EYA2: variants seen among roughly 807,000 people sequenced by gnomAD.
EYA2 encodes EYA transcriptional coactivator and phosphatase 2.
Under a neutral mutation model 69.2 loss-of-function variants are expected in EYA2, and 31 were observed. The observed-to-expected ratio is 0.45, with a 90% CI of 0.34 to 0.60. The LOEUF (loss-of-function observed/expected upper bound fraction) is 0.60, where lower values mean the gene tolerates loss of function less well. EYA2 is among the 20% of genes least tolerant of loss of function. The probability of loss-of-function intolerance (pLI) is 0.02; values close to 1 mark genes in which losing one functional copy is unlikely to be tolerated. For synonymous variants in EYA2, 257 were observed against 279.4 expected, an observed-to-expected ratio of 0.92 and a Z score of 0.80; for missense variants, 622 against 701.2, an observed-to-expected ratio of 0.89 and a Z score of 1.28.
At chr20:47,052,434 C>T (rs1054319640) in intron 5 of EYA2, among the ~76,000 whole-genome samples, 5 of 152,184 alleles carry the variant, frequency 3.3e-5, no homozygotes, top group Admixed American at 6.5e-5. Flanking sequence ...TCTCAGGCCT[C>T]ATCCAGAACC....
At chr20:46,973,895 A>G (rs1267488833) in intron 1 of EYA2, among the ~76,000 whole-genome samples, 8 of 152,204 alleles carry the variant, frequency 5.3e-5, no homozygotes, top group Admixed American at 1.3e-4. Flanking sequence ...GAATCGCTGC[A>G]TGGCTCTTTC....
intron 9 of EYA2, among the ~76,000 whole-genome samples, chr20:47,138,663 G>A (rs910495988): frequency 6.6e-6 from 1 of 151,900 alleles, no homozygotes; most frequent in African/African-American, 2.4e-5. Flanking sequence ...GCTGAGGCAG[G>A]AGGATCACTT....
chr20:47,181,229 G>A (rs2034531835), intron 14 of EYA2, among the ~76,000 whole-genome samples: 1 of 152,224 alleles, frequency 6.6e-6, no homozygotes, highest in African/African-American at 2.4e-5. Context: ...AGTCAAAGCT[G>A]ATTTCTCCCT....
At chr20:47,030,516 T>G (rs1327063898) in intron 5 of EYA2, among the ~76,000 whole-genome samples, 2 of 131,268 alleles carry the variant, frequency 1.5e-5, no homozygotes, top group Non-Finnish European at 3.5e-5. Context: ...AAGCCACACC[T>G]TCATGGAATT....
chr20:47,045,802 T>G (rs1318202798), intron 5 of EYA2, among the ~76,000 whole-genome samples: 1 of 152,186 alleles, frequency 6.6e-6, no homozygotes, highest in African/African-American at 2.4e-5. Context: ...ATTTCCAGCT[T>G]CTATAACAAA....
chr20:47,037,817 C>T (rs118073253), intron 5 of EYA2, among the ~76,000 whole-genome samples: 1 of 152,340 alleles, frequency 6.6e-6, no homozygotes, highest in Non-Finnish European at 1.5e-5. Context: ...AGCTCAGCTG[C>T]TTAGCAACCT....
intron 2 of EYA2, among the ~76,000 whole-genome samples, chr20:47,000,243 G>A (rs1290435582): frequency 6.6e-6 from 1 of 152,208 alleles, no homozygotes; most frequent in East Asian, 1.9e-4. Flanking sequence ...GGTAAATGAT[G>A]GCTATCAGCA....
chr20:46,958,106 C>T (rs1024854382), intron 1 of EYA2, among the ~76,000 whole-genome samples: 1 of 152,166 alleles, frequency 6.6e-6, no homozygotes, highest in Non-Finnish European at 1.5e-5. Flanking sequence ...CACTGGAACA[C>T]TTTATTCTCA....
In EYA2 at chr20:47,089,231, T is replaced by TA. The variant is rs1394135930; in HGVS notation, c.662-7dup. On this transcript the variant is annotated splice_region_variant and splice_polypyrimidine_tract_variant and intron_variant, in intron 7 of 15. Coordinates refer to ENST00000327619, the MANE Select transcript of EYA2 (RefSeq NM_005244.5). ...CTGATTTGTCCACCATTCCCTTTCT[T>TA]ACGCCAGGTGAATACAACACACACA... 6.2e-7 allele frequency: 1 copy of TA among 1,612,996 alleles called. No individual in the cohort carries two copies. The highest frequency in any genetic ancestry group is 8.5e-7 in the Non-Finnish European group (1 of 1,179,434).
chr20:47,073,307 T>A (rs2031384229), intron 6 of EYA2, among the ~76,000 whole-genome samples: 1 of 152,112 alleles, frequency 6.6e-6, no homozygotes, highest in Admixed American at 6.5e-5. Context: ...CAAAGCTTGA[T>A]CAAAGGTGAT....
chr20:47,104,743 A>G (rs974515564), intron 9 of EYA2, among the ~76,000 whole-genome samples: 14 of 152,156 alleles, frequency 9.2e-5, no homozygotes. Flanking sequence ...ATTGGCAGCC[A>G]GGTGCAGTGG....
intron 9 of EYA2, chr20:47,117,295 C>A: frequency 1.1e-6 from 1 of 875,600 alleles, no homozygotes; most frequent in Non-Finnish European, 1.4e-6. Context: ...CAGGCATGAG[C>A]CACCGCACCC....
chr20:46,922,657 G>A lies in EYA2; in HGVS notation c.-11+27670G>A, dbSNP rs73303645. Among the ~76,000 whole-genome samples the A allele has an allele frequency of 7.8e-3, 1,186 of 152,294 alleles. 22 individuals carry two copies. Among genetic ancestry groups the A allele is most frequent in the African/African-American group, 0.027 (1,126 of 41,544 alleles). On this transcript the variant is annotated intron_variant, in intron 1 of 15. Transcript: ENST00000327619. ...AATGCCGAGGACCAGCTAGAATTGT[G>A]GGGGAGAGCTGGGTAAGAAACACAC...
At chr20:47,086,311 C>T (rs2031891592) in intron 7 of EYA2, among the ~76,000 whole-genome samples, 1 of 152,130 alleles carries the variant, frequency 6.6e-6, no homozygotes, top group Admixed American at 6.6e-5. Flanking sequence ...CATGGTGAAA[C>T]CCCATCTCTA....
chr20:47,110,565 G>A (rs1438384592), intron 9 of EYA2, among the ~76,000 whole-genome samples: 1 of 152,176 alleles, frequency 6.6e-6, no homozygotes, highest in Non-Finnish European at 1.5e-5. Flanking sequence ...AGTGATCCAT[G>A]TGACTGTCTC....
intron 1 of EYA2, among the ~76,000 whole-genome samples, chr20:46,897,573 T>G (rs1352358029): frequency 6.6e-6 from 1 of 152,182 alleles, no homozygotes; most frequent in African/African-American, 2.4e-5. Flanking sequence ...TTTTTAGGTG[T>G]CCTCAGCTGG....
chr20:46,984,321 C>G (rs1320725206), intron 1 of EYA2, among the ~76,000 whole-genome samples: 2 of 151,634 alleles, frequency 1.3e-5, no homozygotes, highest in African/African-American at 4.8e-5. Context: ...AAGAAATTTA[C>G]AGCATTCGAA....
chr20:46,903,515 C>G (rs1346365997), intron 1 of EYA2, among the ~76,000 whole-genome samples: 1 of 152,158 alleles, frequency 6.6e-6, no homozygotes, highest in Admixed American at 6.5e-5. Flanking sequence ...GACTTTCAGC[C>G]TCGAGATTAA....
chr20:47,167,278 T>C (rs562040174), intron 10 of EYA2, among the ~76,000 whole-genome samples: 121 of 126,876 alleles, frequency 9.5e-4, no homozygotes, highest in African/African-American at 3.7e-3. Context: ...TCGGTTTTTT[T>C]ACTTTTTTTT....
Sources: allele counts gnomAD v4.1 joint callset (sites outside exome capture counted in the v4.1 genomes callset), GRCh38; gene constraint gnomAD v4.1.1; transcripts MANE v1.5; gene names NCBI Gene and HGNC (gene_info 2026-07-23, HGNC 2026-07-21).